LRRTM4: variants seen among roughly 807,000 people sequenced by gnomAD.
The protein encoded by LRRTM4 is leucine-rich repeat transmembrane neuronal protein 4.
In LRRTM4, 25 loss-of-function variants were observed where a neutral mutation model predicts 47.6. The observed-to-expected ratio is 0.53, with a 90% CI of 0.38 to 0.73. The LOEUF (loss-of-function observed/expected upper bound fraction) is 0.73, where lower values mean the gene tolerates loss of function less well. Ranked by LOEUF, LRRTM4 falls within the 30% of genes least tolerant of loss-of-function variation. LRRTM4 has a pLI of 0.00. For missense variants in LRRTM4, 638 were observed against 713.4 expected (o/e 0.89, Z 1.20); for synonymous variants, 311 against 269.5 (o/e 1.15, Z -1.51).
At chr2:76,919,052 A>C (rs1558738313) in intron 3 of LRRTM4, among the ~76,000 whole-genome samples, 1 of 152,180 alleles carries the variant, frequency 6.6e-6, no homozygotes, top group African/African-American at 2.4e-5. Context: ...GCCAGATTCT[A>C]GGTAATCTTT....
intron 3 of LRRTM4, among the ~76,000 whole-genome samples, chr2:77,248,402 T>A (rs1278875005): frequency 6.6e-6 from 1 of 151,898 alleles, no homozygotes; most frequent in Non-Finnish European, 1.5e-5. Context: ...AAACAAGAAC[T>A]AAATAAATGC....
At chr2:77,196,107 ATTTG>A (rs1673819126) in intron 3 of LRRTM4, among the ~76,000 whole-genome samples, 1 of 152,166 alleles carries the variant, frequency 6.6e-6, no homozygotes, top group Non-Finnish European at 1.5e-5. Context: ...ATAATGGTAT[ATTTG>A]TTTGGTTATT....
chr2:77,392,984 T>C (rs1018992112), intron 3 of LRRTM4, among the ~76,000 whole-genome samples: 1 of 151,970 alleles, frequency 6.6e-6, no homozygotes, highest in African/African-American at 2.4e-5. Context: ...GCCATAAATA[T>C]ATATAGTTTT....
intron 3 of LRRTM4, among the ~76,000 whole-genome samples, chr2:77,068,047 A>G (rs955128604): frequency 6.6e-6 from 1 of 152,178 alleles, no homozygotes; most frequent in African/African-American, 2.4e-5. Flanking sequence ...ATACATTTTT[A>G]CCAATCAAAT....
chr2:77,314,005 T>C (rs979027205), intron 3 of LRRTM4, among the ~76,000 whole-genome samples: 1 of 152,232 alleles, frequency 6.6e-6, no homozygotes, highest in Non-Finnish European at 1.5e-5. Flanking sequence ...CAAAGATCCC[T>C]TGCTATCACC....
intron 3 of LRRTM4, among the ~76,000 whole-genome samples, chr2:77,192,322 T>A (rs1673691553): frequency 6.6e-6 from 1 of 152,094 alleles, no homozygotes; most frequent in African/African-American, 2.4e-5. Context: ...CAAACTTTCT[T>A]GTCTCAGTTT....
chr2:77,042,625 G>GA (rs761291802), intron 3 of LRRTM4, among the ~76,000 whole-genome samples: 15 of 151,356 alleles, frequency 9.9e-5, no homozygotes, highest in Non-Finnish European at 1.5e-4. Context: ...TTATTGTATA[G>GA]AAAATCTTTA....
intron 3 of LRRTM4, among the ~76,000 whole-genome samples, chr2:76,779,756 G>C (rs367827114): frequency 6.6e-6 from 1 of 151,984 alleles, no homozygotes; most frequent in Non-Finnish European, 1.5e-5. Context: ...ATTTAGTCCA[G>C]TTACATTTAA....
At chr2:77,515,150 T>C (rs555316023) in intron 3 of LRRTM4, among the ~76,000 whole-genome samples, 1 of 151,940 alleles carries the variant, frequency 6.6e-6, no homozygotes, top group Admixed American at 6.6e-5. Context: ...GTATCCCTTA[T>C]ACTTGTGCTA....
intron 3 of LRRTM4, among the ~76,000 whole-genome samples, chr2:76,830,687 T>C (rs1671324979): frequency 6.6e-6 from 1 of 151,998 alleles, no homozygotes; most frequent in African/African-American, 2.4e-5. Flanking sequence ...CCATTAATTA[T>C]CATCAAAATG....
chr2:76,824,815 T>A (rs1671147738), intron 3 of LRRTM4, among the ~76,000 whole-genome samples: 1 of 151,560 alleles, frequency 6.6e-6, no homozygotes, highest in Non-Finnish European at 1.5e-5. Flanking sequence ...TGACAGTCCA[T>A]CAAGAATGAA....
chr2:77,285,340 T>TATATATATATA (rs1676621332), intron 3 of LRRTM4, among the ~76,000 whole-genome samples: 1 of 82,590 alleles, frequency 1.2e-5, no homozygotes, highest in African/African-American at 4.2e-5. Flanking sequence ...AGCATTAAAT[T>TATATATATATA]TATATATATA....
At chr2:77,220,173 C>A (rs961730356) in intron 3 of LRRTM4, among the ~76,000 whole-genome samples, 1 of 152,126 alleles carries the variant, frequency 6.6e-6, no homozygotes, top group Non-Finnish European at 1.5e-5. Flanking sequence ...AACTAACAAA[C>A]AGAAAGGACA....
intron 3 of LRRTM4, among the ~76,000 whole-genome samples, chr2:76,899,669 T>A (rs1673554633): frequency 6.6e-6 from 1 of 152,070 alleles, no homozygotes; most frequent in African/African-American, 2.4e-5. Flanking sequence ...TTATTAAAAC[T>A]ATGGATGGAA....
At chr2:76,997,935 T>C (rs1348501889) in intron 3 of LRRTM4, among the ~76,000 whole-genome samples, 3 of 151,926 alleles carry the variant, frequency 2.0e-5, no homozygotes, top group African/African-American at 4.8e-5. Context: ...ACACTCCTTA[T>C]AAGAATCTAA....
chr2:77,240,793 A>T (rs1227507657), intron 3 of LRRTM4, among the ~76,000 whole-genome samples: 1 of 151,984 alleles, frequency 6.6e-6, no homozygotes, highest in Admixed American at 6.6e-5. Flanking sequence ...TTATAATAAA[A>T]TGGTACCATT....
At chr2:76,989,826 A>C (rs1397345409) in intron 3 of LRRTM4, 1 of 151,828 alleles carries the variant, frequency 6.6e-6, no homozygotes, top group Admixed American at 6.6e-5. Flanking sequence ...TAAAGTATTT[A>C]AGATTTGGTT....
intron 3 of LRRTM4, among the ~76,000 whole-genome samples, chr2:77,321,495 G>A (rs1297532633): frequency 7.6e-6 from 1 of 132,248 alleles, no homozygotes; most frequent in Non-Finnish European, 1.5e-5. Context: ...ACTTTCCCAG[G>A]TTGTTACCTG....
chr2:76,988,783 G>A lies in LRRTM4; in HGVS notation c.1552-239867C>T, dbSNP rs111931036. ...ACCCACCCCATTCTTTCTTCCCCAC[G>A]CGTTACCTGGACTTGACATCTCCTA... On this transcript the variant is annotated intron_variant, in intron 3 of 3. Transcript: ENST00000409884. Among the ~76,000 whole-genome samples, 880 of 126,988 alleles carry A rather than the reference G, an allele frequency of 6.9e-3. 14 individuals are homozygous for A. The highest frequency in any genetic ancestry group is 0.024 in the African/African-American group (824 of 34,268). The allele number at this position is 126,988 out of a possible 152,430, so 83.3% of individuals were successfully genotyped here. A position where few individuals can be genotyped will look rare whatever the true frequency, so the allele number is the denominator to read the frequency against.
Sources: gnomAD v4.1 joint callset for allele counts (sites outside exome capture counted in the v4.1 genomes callset) on GRCh38, gnomAD v4.1.1 for gene constraint, MANE v1.5 for transcripts, NCBI Gene and HGNC (gene_info 2026-07-23, HGNC 2026-07-21) for gene names.